The following ZFPM2 variants were observed in gnomAD, a reference collection of about 807,000 sequenced individuals.
The protein encoded by ZFPM2 is zinc finger protein ZFPM2.
ZFPM2 carries 20 observed loss-of-function variants against 98.6 expected under a neutral mutation model. That is an observed-to-expected ratio of 0.20 (90% CI 0.14 to 0.29). The LOEUF (loss-of-function observed/expected upper bound fraction) is 0.29, where lower values mean the gene tolerates loss of function less well. ZFPM2 is among the 10% of genes least tolerant of loss of function. The pLI, the probability that ZFPM2 is intolerant of heterozygous loss-of-function variation, is 1.00. For missense variants in ZFPM2, 1,310 were observed against 1,388.6 expected (o/e 0.94, Z 0.90); for synonymous variants, 518 against 502.7 (o/e 1.03, Z -0.41).
chr8:105,568,349 T>C (rs189889006), intron 4 of ZFPM2, among the ~76,000 whole-genome samples: 17 of 152,218 alleles, frequency 1.1e-4, no homozygotes, highest in African/African-American at 4.1e-4. Flanking sequence ...GCCTCTCCTT[T>C]CGTACCTCTG....
At chr8:105,369,958 G>A (rs1354234805) in intron 1 of ZFPM2, among the ~76,000 whole-genome samples, 1 of 152,100 alleles carries the variant, frequency 6.6e-6, no homozygotes, top group Admixed American at 6.6e-5. Flanking sequence ...TGAATATTAT[G>A]TATTTCTTTT....
In ZFPM2 at chr8:105,377,605, TCCAAAAAAAAAAA is replaced by T. The variant is rs1370585991; in HGVS notation, c.41-41538_41-41526del. Among the ~76,000 whole-genome samples, 5 of 9,844 alleles carry T rather than the reference TCCAAAAAAAAAAA, an allele frequency of 5.1e-4. 1 individual carries two copies. The highest frequency in any genetic ancestry group is 7.2e-3 in the South Asian group (1 of 138). The allele number at this position is 9,844 out of a possible 152,430, so 6.5% of individuals were successfully genotyped here. A position where few individuals can be genotyped will look rare whatever the true frequency, so the allele number is the denominator to read the frequency against. On this transcript the variant is annotated intron_variant, in intron 1 of 7. Transcript: ENST00000407775. Reference sequence around the variant, plus strand: ...AGCAAAACCCCGTTTTTCTTAAAAATCCAAAAAAAAAAAAAAAAAAAAAAAAAAGCCAGATGTA... The same window carrying T: ...AGCAAAACCCCGTTTTTCTTAAAAATAAAAAAAAAAAAAAAGCCAGATGTA...
In ZFPM2 at chr8:105,774,092, T is replaced by C. The variant is rs567439400; in HGVS notation, c.533-14626T>C. 2.0e-5 allele frequency among the ~76,000 whole-genome samples: 3 copies of C among 152,268 alleles called. No individual in the cohort carries two copies. The East Asian group carries it at 5.8e-4, about 29-fold the overall frequency. ...CTGAAATTCAAGGAACATAGTCACGTGTGATTTTGCCTGCATTTCAGGTCC... is the reference window on the plus strand; with the variant it reads ...CTGAAATTCAAGGAACATAGTCACGCGTGATTTTGCCTGCATTTCAGGTCC... On this transcript the variant is annotated intron_variant, in intron 5 of 7. Coordinates refer to ENST00000407775, the MANE Select transcript of ZFPM2 (RefSeq NM_012082.4).
chr8:105,535,342 C>A (rs1814427412), intron 3 of ZFPM2, among the ~76,000 whole-genome samples: 1 of 152,134 alleles, frequency 6.6e-6, no homozygotes, highest in African/African-American at 2.4e-5. Flanking sequence ...CTCTTAGAAG[C>A]CAGTGTTTCC....
At chr8:105,646,758 G>T (rs1817056004) in intron 5 of ZFPM2, among the ~76,000 whole-genome samples, 1 of 152,030 alleles carries the variant, frequency 6.6e-6, no homozygotes, top group Non-Finnish European at 1.5e-5. Flanking sequence ...GAACCTTGCA[G>T]CCAGCATTCT....
intron 1 of ZFPM2, among the ~76,000 whole-genome samples, chr8:105,374,221 A>G (rs1810678902): frequency 6.6e-6 from 1 of 152,206 alleles, no homozygotes; most frequent in African/African-American, 2.4e-5. Context: ...CCCACATAGT[A>G]AACTAGTCTT....
At chr8:105,781,758 A>G (rs1056052123) in intron 5 of ZFPM2, among the ~76,000 whole-genome samples, 10 of 152,176 alleles carry the variant, frequency 6.6e-5, no homozygotes, top group Non-Finnish European at 1.0e-4. Context: ...TCACTTCCAC[A>G]TCACACATAA....
intron 5 of ZFPM2, among the ~76,000 whole-genome samples, chr8:105,635,106 C>G (rs895352590): frequency 3.9e-5 from 6 of 152,160 alleles, no homozygotes; most frequent in Non-Finnish European, 8.8e-5. Context: ...TGTACTCTTA[C>G]AGTATAATCC....
intron 5 of ZFPM2, among the ~76,000 whole-genome samples, chr8:105,689,620 G>A (rs75278957): frequency 1.3e-5 from 2 of 152,152 alleles, no homozygotes; most frequent in Admixed American, 1.3e-4. Context: ...TGTTGAATCA[G>A]GGACATGATT....
chr8:105,724,915 T>A (rs982756734), intron 5 of ZFPM2, among the ~76,000 whole-genome samples: 11 of 151,768 alleles, frequency 7.2e-5, no homozygotes, highest in Non-Finnish European at 1.2e-4. Flanking sequence ...ATCTCCAAAA[T>A]TTTTTTCTAT....
intron 3 of ZFPM2, among the ~76,000 whole-genome samples, chr8:105,500,263 A>C (rs1386398099): frequency 3.9e-5 from 6 of 152,246 alleles, no homozygotes; most frequent in Non-Finnish European, 7.3e-5. Context: ...CGGCATGAAT[A>C]GAATATGACT....
chr8:105,785,595 C>G (rs888363341), intron 5 of ZFPM2, among the ~76,000 whole-genome samples: 4 of 152,168 alleles, frequency 2.6e-5, no homozygotes, highest in Non-Finnish European at 4.4e-5. Context: ...AACCACTTAG[C>G]TTATCAGGCC....
chr8:105,364,600 G>A (rs1281363025), intron 1 of ZFPM2, among the ~76,000 whole-genome samples: 1 of 150,936 alleles, frequency 6.6e-6, no homozygotes, highest in Non-Finnish European at 1.5e-5. Flanking sequence ...ATAATCAAAT[G>A]TAGAGATTGT....
intron 5 of ZFPM2, among the ~76,000 whole-genome samples, chr8:105,698,764 A>C (rs1318264475): frequency 6.6e-6 from 1 of 152,212 alleles, no homozygotes; most frequent in African/African-American, 2.4e-5. Flanking sequence ...TAAAATAATA[A>C]AAATTATATG....
At chr8:105,507,911 G>T (rs116638224) in intron 3 of ZFPM2, among the ~76,000 whole-genome samples, 1 of 152,142 alleles carries the variant, frequency 6.6e-6, no homozygotes, top group Non-Finnish European at 1.5e-5. Context: ...TCTTTCAGCC[G>T]TGGTGGAAAA....
intron 4 of ZFPM2, among the ~76,000 whole-genome samples, chr8:105,618,682 A>G (rs973234574): frequency 6.6e-6 from 1 of 152,146 alleles, no homozygotes; most frequent in Non-Finnish European, 1.5e-5. Flanking sequence ...AAATGACCCT[A>G]TGACATAAAT....
chr8:105,460,352 C>T (rs1319163793), intron 3 of ZFPM2, among the ~76,000 whole-genome samples: 2 of 152,014 alleles, frequency 1.3e-5, no homozygotes, highest in South Asian at 4.1e-4. Context: ...GAAGTTTACC[C>T]GAAGCTGACA....
intron 5 of ZFPM2, among the ~76,000 whole-genome samples, chr8:105,758,592 A>G (rs556809038): frequency 1.8e-4 from 27 of 152,206 alleles, no homozygotes; most frequent in African/African-American, 6.3e-4. Flanking sequence ...TATTTCAGTC[A>G]TTTGATTTTT....
chr8:105,480,720 T>A (rs1813097761), intron 3 of ZFPM2, among the ~76,000 whole-genome samples: 1 of 151,922 alleles, frequency 6.6e-6, no homozygotes, highest in African/African-American at 2.4e-5. Flanking sequence ...ATGTGTTTCC[T>A]GAATTAGGGA....
Sources: gnomAD v4.1 joint callset for allele counts (sites outside exome capture counted in the v4.1 genomes callset) on GRCh38, gnomAD v4.1.1 for gene constraint, MANE v1.5 for transcripts, NCBI Gene and HGNC (gene_info 2026-07-23, HGNC 2026-07-21) for gene names.